PRKCA: variants seen among roughly 807,000 people sequenced by gnomAD.
PRKCA encodes protein kinase C alpha type.
Under a neutral mutation model 87.0 loss-of-function variants are expected in PRKCA, and 27 were observed. That is an observed-to-expected ratio of 0.31 (90% CI 0.23 to 0.43). PRKCA has a LOEUF of 0.43. Among genes scored for constraint, PRKCA ranks in the 20% least tolerant of loss-of-function variants. PRKCA has a pLI of 1.00. For synonymous variants in PRKCA, 329 were observed against 311.1 expected, an observed-to-expected ratio of 1.06 and a Z score of -0.61; for missense variants, 518 against 852.3, an observed-to-expected ratio of 0.61 and a Z score of 4.88.
At chr17:66,561,029 G>A (rs1265183660) in intron 3 of PRKCA, among the ~76,000 whole-genome samples, 1 of 152,144 alleles carries the variant, frequency 6.6e-6, no homozygotes, top group Non-Finnish European at 1.5e-5. Flanking sequence ...TGCAGCCTGC[G>A]GGGATCTGAA....
At chr17:66,777,510 A>G (rs17710992) in intron 14 of PRKCA, 298,853 of 981,132 alleles carry the variant, frequency 0.3, 45,838 homozygotes, top group Admixed American at 0.33. Flanking sequence ...CACAGTCACC[A>G]TCAGTGAGTC....
chr17:66,475,202 G>A (rs996444544), intron 2 of PRKCA, among the ~76,000 whole-genome samples: 9 of 152,108 alleles, frequency 5.9e-5, no homozygotes, highest in South Asian at 2.1e-4. Flanking sequence ...AACCACAACA[G>A]TGAGGGCTTG....
At chr17:66,462,823 T>A (rs1914910760) in intron 2 of PRKCA, among the ~76,000 whole-genome samples, 1 of 152,100 alleles carries the variant, frequency 6.6e-6, no homozygotes, top group African/African-American at 2.4e-5. Flanking sequence ...AATCTCTTAT[T>A]AAAAGTAGCC....
intron 8 of PRKCA, among the ~76,000 whole-genome samples, chr17:66,731,478 A>G (rs1001415070): frequency 2.6e-5 from 4 of 152,160 alleles, no homozygotes; most frequent in African/African-American, 4.8e-5. Flanking sequence ...GCTTCTTACA[A>G]CTAGCTCCTT....
chr17:66,746,602 A>G lies in PRKCA; in HGVS notation c.1524+3842A>G, dbSNP rs56118924. Among the ~76,000 whole-genome samples, 179 of 152,288 alleles carry G rather than the reference A, an allele frequency of 1.2e-3. 2 individuals carry two copies. The highest frequency in any genetic ancestry group is 3.9e-3 in the African/African-American group (161 of 41,558). ...AGCGGAGGCTTAAGTATTTATGGCT[A>G]TTTGTTCAAAAACCTTGAAATCGAT... On this transcript the variant is annotated intron_variant, in intron 13 of 16. Transcript: ENST00000413366.
intron 15 of PRKCA, chr17:66,787,263 C>G: frequency 1.9e-6 from 1 of 533,610 alleles, no homozygotes; most frequent in Non-Finnish European, 3.7e-6. Context: ...TTTAGTTCCT[C>G]CTTTCATATT....
intron 2 of PRKCA, among the ~76,000 whole-genome samples, chr17:66,316,042 T>C (rs1905299156): frequency 6.6e-6 from 1 of 152,220 alleles, no homozygotes; most frequent in Non-Finnish European, 1.5e-5. Context: ...AGATGGCTCT[T>C]GTTTTGGGCT....
intron 5 of PRKCA, among the ~76,000 whole-genome samples, chr17:66,650,263 G>T (rs529775168): frequency 1.4e-4 from 21 of 152,202 alleles, no homozygotes; most frequent in Non-Finnish European, 2.2e-4. Context: ...TTCTAGCTTG[G>T]TGGGGTATTT....
Position 66,430,035 on chromosome 17 carries a change from G to A in PRKCA, c.206-66166G>A, listed in dbSNP as rs149486817. On this transcript the variant is annotated intron_variant, in intron 2 of 16. Coordinates refer to ENST00000413366, the MANE Select transcript of PRKCA (RefSeq NM_002737.3). ...TGAGCTACACACTCTTTATATGATA[G>A]AGAAAATTATAGATGTACTTATCTG... 4.2e-3 allele frequency among the ~76,000 whole-genome samples: 641 copies of A among 152,184 alleles called. 6 individuals are homozygous for A. The highest frequency in any genetic ancestry group is 0.015 in the African/African-American group (621 of 41,550).
At chr17:66,473,897 G>C (rs2144025318) in intron 2 of PRKCA, among the ~76,000 whole-genome samples, 1 of 152,160 alleles carries the variant, frequency 6.6e-6, no homozygotes, top group Non-Finnish European at 1.5e-5. Context: ...TCACGCCATT[G>C]CACTCCAGTC....
At chr17:66,496,396 T>C in intron 3 of PRKCA, 113 bp downstream of exon 3, 1 of 849,104 alleles carries the variant, frequency 1.2e-6, no homozygotes, top group Non-Finnish European at 1.9e-6. Context: ...GAAGACTCAA[T>C]TCTCATAGAG....
In PRKCA at chr17:66,624,220, G is replaced by C. The variant is rs146839889; in HGVS notation, c.289-17135G>C. Reference sequence around the variant, plus strand: ...GGCATGGGGAAGGAAGCCACCGAGAGGCTAGATATGGGGCTGTAAGGCCTG... The same window carrying C: ...GGCATGGGGAAGGAAGCCACCGAGACGCTAGATATGGGGCTGTAAGGCCTG... On this transcript the variant is annotated intron_variant, in intron 3 of 16. Coordinates refer to ENST00000413366, the MANE Select transcript of PRKCA (RefSeq NM_002737.3). Among the ~76,000 whole-genome samples, 747 of 152,164 alleles carry C rather than the reference G, an allele frequency of 4.9e-3. 7 individuals are homozygous for C. Among genetic ancestry groups the C allele is most frequent in the African/African-American group, 0.015 (621 of 41,500 alleles).
intron 3 of PRKCA, among the ~76,000 whole-genome samples, chr17:66,504,815 A>G (rs1325782144): frequency 6.6e-6 from 1 of 152,182 alleles, no homozygotes; most frequent in Non-Finnish European, 1.5e-5. Context: ...ATGTTGGCCC[A>G]TGGGAGTTAC....
intron 2 of PRKCA, among the ~76,000 whole-genome samples, chr17:66,375,092 G>T (rs764541658): frequency 1.3e-5 from 2 of 152,050 alleles, no homozygotes; most frequent in African/African-American, 4.8e-5. Context: ...GCAGCCTTGA[G>T]GGGGGTAATA....
chr17:66,329,912 A>T (rs1302193606), intron 2 of PRKCA, among the ~76,000 whole-genome samples: 2 of 152,096 alleles, frequency 1.3e-5, no homozygotes, highest in Admixed American at 1.3e-4. Flanking sequence ...CCGGGATGAA[A>T]ATGGTGTGAA....
At chr17:66,336,792 GTGT>G (rs1225251857) in intron 2 of PRKCA, among the ~76,000 whole-genome samples, 1 of 142,340 alleles carries the variant, frequency 7.0e-6, no homozygotes, top group African/African-American at 2.7e-5. Context: ...GTGTGTGTGT[GTGT>G]GTGTGTGTTT....
At chr17:66,573,524 TTTTCTTC>T (rs1321056764) in intron 3 of PRKCA, among the ~76,000 whole-genome samples, 1 of 152,180 alleles carries the variant, frequency 6.6e-6, no homozygotes, top group African/African-American at 2.4e-5. Flanking sequence ...AAAGTGTCTG[TTTTCTTC>T]TAATTATAAA....
At chr17:66,391,392 C>A (rs957472957) in intron 2 of PRKCA, among the ~76,000 whole-genome samples, 1 of 152,208 alleles carries the variant, frequency 6.6e-6, no homozygotes, top group Non-Finnish European at 1.5e-5. Flanking sequence ...CCTTACACAG[C>A]TCCTCCTCAC....
chr17:66,803,791 CT>C lies in PRKCA; in HGVS notation c.1855-81del. On this transcript the variant is annotated intron_variant, in intron 16 of 16. Transcript: ENST00000413366. This position sits in a 1 kb window ranked among gnomAD's most constrained non-coding sequence, Gnocchi z 4.4. Reference sequence around the variant, plus strand: ...CCCGGAGTTCCCCAGGGCCGTGCCCCTCCCCAGAGAGGGCCCTCGGAGAGCT... The same window carrying C: ...CCCGGAGTTCCCCAGGGCCGTGCCCCCCCCAGAGAGGGCCCTCGGAGAGCT... 1 of 1,559,196 alleles carries C rather than the reference CT, an allele frequency of 6.4e-7. No homozygotes were observed. Among genetic ancestry groups the C allele is most frequent in the Non-Finnish European group, 8.7e-7 (1 of 1,149,546 alleles).
Sources: gnomAD v4.1 joint callset for allele counts (sites outside exome capture counted in the v4.1 genomes callset) on GRCh38, gnomAD v4.1.1 for gene constraint, Gnocchi (gnomAD v3.1) non-coding constraint, MANE v1.5 for transcripts, NCBI Gene and HGNC (gene_info 2026-07-23, HGNC 2026-07-21) for gene names.